The following RNF144A variants were observed in gnomAD, a reference collection of about 807,000 sequenced individuals.
The protein encoded by RNF144A is ring finger protein 144A.
A neutral mutation model predicts 38.7 loss-of-function variants in RNF144A; 11 were observed. The observed-to-expected ratio is 0.28, with a 90% CI of 0.18 to 0.47. RNF144A has a LOEUF of 0.47. Among genes scored for constraint, RNF144A ranks in the 20% least tolerant of loss-of-function variants. The probability of loss-of-function intolerance (pLI) is 0.99; values close to 1 mark genes in which losing one functional copy is unlikely to be tolerated. For synonymous variants in RNF144A, 149 were observed against 143.9 expected, an observed-to-expected ratio of 1.04 and a Z score of -0.25; for missense variants, 316 against 377.2, an observed-to-expected ratio of 0.84 and a Z score of 1.34.
rs145747779 is a variant in RNF144A, at chr2:7,005,507, G to A, written c.135+8446G>A. 9.5e-3 allele frequency among the ~76,000 whole-genome samples: 1,446 copies of A among 152,276 alleles called. 11 individuals are homozygous for A. Among genetic ancestry groups the A allele is most frequent in the Non-Finnish European group, 0.016 (1,072 of 68,018 alleles). ...TAGGGTGCAAAGGATGAGTTCCAGG[G>A]CTGTTGCAAAGAGCGAAGCTTCCAA... On this transcript the variant is annotated intron_variant, in intron 3 of 8. Transcript: ENST00000320892.
chr2:7,046,845 A>G (rs1299429290), downstream of RNF144A, among the ~76,000 whole-genome samples: 2 of 152,240 alleles, frequency 1.3e-5, no homozygotes, highest in Non-Finnish European at 2.9e-5. Flanking sequence ...CTCCTAGGCA[A>G]CTATCTGGGT....
chr2:7,063,197 A>G (rs6746899), intron 6 of RNF144A, among the ~76,000 whole-genome samples: 20,564 of 152,218 alleles, frequency 0.14, 1,445 homozygotes, highest in African/African-American at 0.16. Flanking sequence ...TCCTAACCAC[A>G]GTCCTGGCAG....
intron 2 of RNF144A, among the ~76,000 whole-genome samples, chr2:6,948,769 T>C (rs754297749): frequency 8.6e-5 from 13 of 151,826 alleles, no homozygotes; most frequent in Non-Finnish European, 1.8e-4. Flanking sequence ...GTGGTGGGAG[T>C]GGAGTGGATC....
At position 6,944,298 on chromosome 2, in the gene RNF144A, G is replaced by A. The variant is rs1666199469; in HGVS notation, c.-12+3151G>A. ...GGAATGTGGGGTGTCTGCGGGTGCT[G>A]CAAGTTCCAGTGTTCCTCCCAAAGG... On this transcript the variant is annotated intron_variant, in intron 2 of 8. Coordinates refer to ENST00000320892, the MANE Select transcript of RNF144A (RefSeq NM_014746.6). This position sits in a 1 kb window ranked among gnomAD's most constrained non-coding sequence, Gnocchi z 4.7. Among the ~76,000 whole-genome samples the A allele has an allele frequency of 6.6e-6, 1 of 152,178 alleles. No homozygotes were observed. The highest frequency in any genetic ancestry group is 2.4e-5 in the African/African-American group (1 of 41,428).
chr2:7,020,830 CT>C, intron 6 of RNF144A, 150 bp downstream of exon 6: 1 of 658,556 alleles, frequency 1.5e-6, no homozygotes, highest in East Asian at 2.7e-5. Context: ...TCACTCAAGC[CT>C]GTCATTATTT....
At chr2:7,068,263 G>T (rs754905590) in exon 7 of RNF144A, 2 of 1,302,034 alleles carry the variant, frequency 1.5e-6, no homozygotes, top group South Asian at 1.2e-5. Context: ...CTGAATCTGA[G>T]TGTCATCTGT....
chr2:7,020,494 G>A lies in RNF144A; in HGVS notation c.323G>A (p.Arg108Gln), dbSNP rs758977523. The A allele has an allele frequency of 3.8e-5, 61 of 1,613,634 alleles. No individual in the cohort carries two copies. Among genetic ancestry groups the A allele is most frequent in the South Asian group, 7.7e-5 (7 of 91,088 alleles). The change falls in exon 6 of 9, where the codon CGG (arginine) becomes CAG (glutamine). Residue 108 changes from arginine (R) to glutamine (Q), a missense_variant. Arg to Gln is a conservative substitution (Grantham distance 43). Transcript: ENST00000320892. ...FEREVLFDPC[R>Q]TWCPASTCQA... ...CCAGAGGTGCTGTTTGATCCCTGTC[G>A]GACTTGGTGCCCGGCGTCCACCTGC... is the stretch of plus-strand genomic sequence containing the variant.
intron 2 of RNF144A, among the ~76,000 whole-genome samples, chr2:6,970,442 A>C (rs1667939778): frequency 6.6e-6 from 1 of 152,234 alleles, no homozygotes; most frequent in South Asian, 2.1e-4. Flanking sequence ...CTGTAAGTCC[A>C]ATAAACCTCT....
intron 5 of RNF144A, among the ~76,000 whole-genome samples, chr2:7,015,817 TGCA>T (rs1671099801): frequency 6.6e-6 from 1 of 152,120 alleles, no homozygotes; most frequent in Admixed American, 6.5e-5. Context: ...TCCCTCTCCC[TGCA>T]CTGATTCTCG....
chr2:7,004,184 A>G (rs75906934), intron 3 of RNF144A, among the ~76,000 whole-genome samples: 4,784 of 152,314 alleles, frequency 0.031, 103 homozygotes, highest in Non-Finnish European at 0.047. Context: ...CCACAACTCT[A>G]TGCAGCTCAA....
At chr2:6,950,129 A>G (rs554896719) in intron 2 of RNF144A, among the ~76,000 whole-genome samples, 1 of 152,336 alleles carries the variant, frequency 6.6e-6, no homozygotes, top group South Asian at 2.1e-4. Flanking sequence ...CATAATTAGC[A>G]AATATCCTGA....
Position 6,941,557 on chromosome 2 carries a change from A to G in RNF144A, c.-12+410A>G, listed in dbSNP as rs1425453805. Among the ~76,000 whole-genome samples, 2 of 152,226 alleles carry G rather than the reference A, an allele frequency of 1.3e-5. No individual in the cohort carries two copies. Among genetic ancestry groups the G allele is most frequent in the African/African-American group, 4.8e-5 (2 of 41,464 alleles). ...CGAAGATTCTGTGTTTGTGAGGAAT[A>G]CAAGTGGAGGATGGGGGTAGGGACA... On this transcript the variant is annotated intron_variant, in intron 2 of 8. Coordinates refer to ENST00000320892, the MANE Select transcript of RNF144A (RefSeq NM_014746.6). The surrounding 1 kb of genome is among the most constrained non-coding windows in gnomAD (Gnocchi z 6.5).
chr2:6,975,679 C>T (rs1558398272), intron 2 of RNF144A, among the ~76,000 whole-genome samples: 1 of 152,072 alleles, frequency 6.6e-6, no homozygotes, highest in African/African-American at 2.4e-5. Context: ...AAAAATTAGT[C>T]AGGTGTGGTT....
In RNF144A at chr2:6,966,718, C is replaced by T. The variant is rs532252948; in HGVS notation, c.-12+25571C>T. 2.4e-4 allele frequency among the ~76,000 whole-genome samples: 37 copies of T among 152,260 alleles called. No homozygotes were observed. In the South Asian group the frequency reaches 5.8e-3, roughly 24 times the overall value. On this transcript the variant is annotated intron_variant, in intron 2 of 8. Coordinates refer to ENST00000320892, the MANE Select transcript of RNF144A (RefSeq NM_014746.6). Reference sequence around the variant, plus strand: ...GGGGCTATTTTCAGGAGTCCTGAAGCGACTTCAACTTTAATAGGATAATAA... The same window carrying T: ...GGGGCTATTTTCAGGAGTCCTGAAGTGACTTCAACTTTAATAGGATAATAA...
intron 6 of RNF144A, among the ~76,000 whole-genome samples, chr2:7,060,576 G>A (rs961882450): frequency 1.3e-5 from 2 of 152,158 alleles, no homozygotes; most frequent in Admixed American, 6.5e-5. Flanking sequence ...AAAGATCACT[G>A]CATCTTTCTG....
chr2:6,989,017 C>T (rs1374644805), intron 2 of RNF144A, among the ~76,000 whole-genome samples: 1 of 152,136 alleles, frequency 6.6e-6, no homozygotes, highest in Non-Finnish European at 1.5e-5. Context: ...TGTCCTGCCC[C>T]AGTCCTAGAA....
chr2:7,008,230 G>A (rs1465916394), intron 3 of RNF144A, among the ~76,000 whole-genome samples: 1 of 152,252 alleles, frequency 6.6e-6, no homozygotes, highest in Non-Finnish European at 1.5e-5. Context: ...AGAACAAAGA[G>A]CGGCCTTCCT....
At chr2:7,024,325 G>A (rs200920600) in intron 6 of RNF144A, 44 bp from the exon 7 acceptor site, 37 of 1,538,802 alleles carry the variant, frequency 2.4e-5, no homozygotes, top group South Asian at 1.9e-4. Flanking sequence ...TGGGTCTCCC[G>A]TGGGATCCGT....
intron 1 of RNF144A, among the ~76,000 whole-genome samples, chr2:6,927,391 T>G (rs1664943636): frequency 6.6e-6 from 1 of 152,260 alleles, no homozygotes; most frequent in Non-Finnish European, 1.5e-5. Context: ...CTTGTTTTTT[T>G]TCTGTCCCTG....
Sources: allele counts gnomAD v4.1 joint callset (sites outside exome capture counted in the v4.1 genomes callset), GRCh38; gene constraint gnomAD v4.1.1; non-coding constraint Gnocchi (gnomAD v3.1); transcripts MANE v1.5; gene names NCBI Gene and HGNC (gene_info 2026-07-23, HGNC 2026-07-21).